BRD1: variants seen among roughly 807,000 people sequenced by gnomAD.
BRD1 encodes bromodomain-containing protein 1.
BRD1 carries 24 observed loss-of-function variants against 107.7 expected under a neutral mutation model. The observed-to-expected ratio is 0.22, with a 90% CI of 0.16 to 0.31. BRD1 has a LOEUF of 0.31. Among genes scored for constraint, BRD1 ranks in the 10% least tolerant of loss-of-function variants. The probability of loss-of-function intolerance (pLI) is 1.00; values close to 1 mark genes in which losing one functional copy is unlikely to be tolerated. For missense variants in BRD1, 1,279 were observed against 1,638.6 expected (o/e 0.78, Z 3.79); for synonymous variants, 744 against 686.1 (o/e 1.08, Z -1.32).
At chr22:49,775,032 G>A (rs2059054141) in intron 12 of BRD1, among the ~76,000 whole-genome samples, 1 of 152,230 alleles carries the variant, frequency 6.6e-6, no homozygotes, top group Non-Finnish European at 1.5e-5. Flanking sequence ...GCTCCTCCCA[G>A]AGGCATGTGC....
Position 49,827,535 on chromosome 22 carries a change from C to T in BRD1, c.-53G>A, listed in dbSNP as rs1359133132. 2 of 144,830 alleles carry T rather than the reference C, an allele frequency of 1.4e-5. No individual in the cohort carries two copies. Among genetic ancestry groups the T allele is most frequent in the African/African-American group, 5.0e-5 (2 of 40,366 alleles). 9.0% of individuals were successfully genotyped at this position (144,830 alleles called of 1,614,324 possible). On this transcript the variant is annotated 5_prime_UTR_variant, in exon 1 of 13. Coordinates refer to ENST00000404760, the MANE Select transcript of BRD1 (RefSeq NM_001304808.3). ...CGGCCGCGGGAGCCCGGCAAGCGGG[C>T]GGGCGCGGGGGCCGGCGCGGCCGAG...
At chr22:49,802,183 CCGAGACCAA>C in intron 3 of BRD1, among the ~76,000 whole-genome samples, 1 of 146,874 alleles carries the variant, frequency 6.8e-6, no homozygotes, top group African/African-American at 2.6e-5. Flanking sequence ...ATCGCGGGGG[CCGAGACCAA>C]TGCCTCCACT....
chr22:49,808,478 C>G (rs2059786511), intron 2 of BRD1, among the ~76,000 whole-genome samples: 1 of 152,140 alleles, frequency 6.6e-6, no homozygotes, highest in Non-Finnish European at 1.5e-5. Context: ...GAGTCAAATT[C>G]ATGGAGACAG....
At chr22:49,789,190 G>A (rs748040630) in intron 7 of BRD1, among the ~76,000 whole-genome samples, 2 of 152,206 alleles carry the variant, frequency 1.3e-5, no homozygotes, top group Non-Finnish European at 2.9e-5. Flanking sequence ...GCTGTCATGT[G>A]GGAATGCTGG....
rs1207444613 is a variant in BRD1 at position 49,794,040 on chromosome 22, C to T, written c.2353G>A (p.Glu785Lys). Reference protein sequence around the residue: ...DGAALGPEAGEEGDKSPPKLE... With the variant: ...DGAALGPEAGKEGDKSPPKLE... Reference sequence around the variant, plus strand: ...AGCCCTCACCGTGGCTTACCTTCCTCGCCCGCCTCCGGCCCCAGCGCAGCT... The same window carrying T: ...AGCCCTCACCGTGGCTTACCTTCCTTGCCCGCCTCCGGCCCCAGCGCAGCT... The change falls in exon 7 of 13, where the codon GAG (glutamate) becomes AAG (lysine). Residue 785 changes from glutamate (E) to lysine (K), a missense_variant. Physicochemically the swap from Glu to Lys is moderately conservative, Grantham distance 56. Transcript: ENST00000404760. The T allele has an allele frequency of 1.9e-6, 3 of 1,611,158 alleles. No homozygotes were observed. The highest frequency in any genetic ancestry group is 1.1e-5 in the South Asian group (1 of 90,954).
At chr22:49,775,066 G>C (rs896865239) in intron 12 of BRD1, among the ~76,000 whole-genome samples, 1 of 152,218 alleles carries the variant, frequency 6.6e-6, no homozygotes, top group Non-Finnish European at 1.5e-5. Flanking sequence ...TGCACAGAGG[G>C]ATCTTGGGGT....
intron 10 of BRD1, among the ~76,000 whole-genome samples, chr22:49,776,659 C>T (rs1421737710): frequency 3.3e-5 from 5 of 152,206 alleles, no homozygotes; most frequent in Non-Finnish European, 2.9e-5. Flanking sequence ...CCTGGGGCCT[C>T]CCCCTCCCCC....
intron 12 of BRD1, 65 bp downstream of exon 12, chr22:49,775,526 G>A (rs939545272): frequency 1.5e-6 from 2 of 1,301,290 alleles, no homozygotes; most frequent in Non-Finnish European, 2.0e-6. Flanking sequence ...GGACACTCAG[G>A]TCACCGAGCC....
chr22:49,826,646 G>C (rs112615549), intron 1 of BRD1, among the ~76,000 whole-genome samples: 13 of 152,350 alleles, frequency 8.5e-5, no homozygotes, highest in African/African-American at 2.9e-4. Context: ...CAGGGGCCGC[G>C]GCCGCTGAGC....
chr22:49,823,801 G>A lies in BRD1; in HGVS notation c.517C>T (p.Arg173Cys), dbSNP rs2060112800. The change falls in exon 2 of 13, where the codon CGC becomes TGC. Residue 173 changes from arginine to cysteine, a missense_variant. Transcript: ENST00000404760. ...YAWLEIVNEK[R>C]KGDCVPAVSQ... is the part of the protein sequence containing the mutation. ...ACGGCGGGGACGCAGTCGCCCTTGC[G>A]CTTCTCATTGACGATCTCCAGCCAG... The A allele has an allele frequency of 6.2e-7, 1 of 1,614,130 alleles. No homozygotes were observed. Among genetic ancestry groups the A allele is most frequent in the Non-Finnish European group, 8.5e-7 (1 of 1,180,048 alleles).
In BRD1 at chr22:49,792,514, C is replaced by A. The variant is rs55949613; in HGVS notation, c.2359+1520G>T. Among the ~76,000 whole-genome samples, 393 of 152,342 alleles carry A rather than the reference C, an allele frequency of 2.6e-3. 1 individual carries two copies. The highest frequency in any genetic ancestry group is 5.6e-3 in the Admixed American group (86 of 15,312). On this transcript the variant is annotated intron_variant, in intron 7 of 12. Transcript: ENST00000404760. This position sits in a 1 kb window ranked among gnomAD's most constrained non-coding sequence, Gnocchi z 4.2. ...AGGCAAACGTTCCTCAGAAAAAACA[C>A]GAGGCCCCCAAAGCAGAGGAGGGAT...
rs891317225 is a variant in BRD1, at chr22:49,827,708, GCGGGCT to G, written c.-232_-227del. On this transcript the variant is annotated 5_prime_UTR_variant, in exon 1 of 13. Transcript: ENST00000404760. ...ACTCTCGGGCAGCGGCTCGCGCGGCGCGGGCTCGGGCTCGGGGCCCAGCTGGAGGCC... is the reference window on the plus strand; with the variant it reads ...ACTCTCGGGCAGCGGCTCGCGCGGCGCGGGCTCGGGGCCCAGCTGGAGGCC... Among the ~76,000 whole-genome samples the G allele has an allele frequency of 9.0e-5, 13 of 144,858 alleles. No homozygotes were observed. The highest frequency in any genetic ancestry group is 1.7e-4 in the Non-Finnish European group (11 of 65,324).
At chr22:49,800,546 A>C (rs2059621339) in intron 3 of BRD1, among the ~76,000 whole-genome samples, 2 of 152,172 alleles carry the variant, frequency 1.3e-5, no homozygotes, top group African/African-American at 4.8e-5. Flanking sequence ...ATCTGTTACG[A>C]AGCGGAAGAA....
At chr22:49,775,070 T>C (rs2146895032) in intron 12 of BRD1, among the ~76,000 whole-genome samples, 1 of 152,308 alleles carries the variant, frequency 6.6e-6, no homozygotes, top group Middle Eastern at 3.4e-3. Context: ...CAGAGGGATC[T>C]TGGGGTCTAA....
chr22:49,774,175 T>C lies in BRD1; in HGVS notation c.*58A>G. The C allele has an allele frequency of 7.2e-6, 11 of 1,520,038 alleles. No individual in the cohort carries two copies. Among genetic ancestry groups the C allele is most frequent in the Non-Finnish European group, 9.7e-6 (11 of 1,129,926 alleles). The allele number at this position is 1,520,038 out of a possible 1,614,324, so 94.2% of individuals were successfully genotyped here. A position where few individuals can be genotyped will look rare whatever the true frequency, so the allele number is the denominator to read the frequency against. On this transcript the variant is annotated 3_prime_UTR_variant, in exon 13 of 13. Coordinates refer to ENST00000404760, the MANE Select transcript of BRD1 (RefSeq NM_001304808.3). The stretch of plus-strand genomic sequence containing the variant: ...AGAATAAGTTAAGTTTTGAACAATA[T>C]ACAAACATGTACAGCTTATCAACAC...
In BRD1 at chr22:49,797,990, C is replaced by G; in HGVS notation, c.1913G>C (p.Cys638Ser). Residue 638 changes from cysteine (C) to serine (S), a missense_variant, in exon 6 of 13, where the codon TGC (cysteine) becomes TCC (serine). Around this residue, in one of 7 missense-constraint regions of BRD1, gnomAD observed 406 missense variants for 519.4 expected, o/e 0.78. Transcript: ENST00000404760. The part of the protein sequence containing the change: ...EEDFDLIIDN[C>S]MKYNARDTVF... The stretch of plus-strand genomic sequence containing the variant: ...GGTGTCCCTGGCATTGTACTTCATG[C>G]AGTTATCTATAATGAGATCAAAATC... 2.5e-6 allele frequency: 4 copies of G among 1,614,220 alleles called. No homozygotes were observed. The highest frequency in any genetic ancestry group is 3.4e-6 in the Non-Finnish European group (4 of 1,180,048).
chr22:49,777,754 T>C lies in BRD1; in HGVS notation c.2917A>G (p.Arg973Gly). ...SEQEPGGGLGRKATPRRRCAS... is the reference protein window; with the variant it reads ...SEQEPGGGLGGKATPRRRCAS... ...CAGCGTCGTCGGGGTGTGGCCTTCCTCCCCAGGCCGCCGCCCGGCTCCTGC... is the reference window on the plus strand; with the variant it reads ...CAGCGTCGTCGGGGTGTGGCCTTCCCCCCCAGGCCGCCGCCCGGCTCCTGC... The change falls in exon 9 of 13, where the codon AGG becomes GGG. Residue 973 changes from arginine (R) to glycine (G), a missense_variant. This residue lies in a region of BRD1 where 263 missense variants were observed against 251.6 expected (regional missense o/e 1.05). Transcript: ENST00000404760. 6.2e-7 allele frequency: 1 copy of C among 1,606,108 alleles called. No homozygotes were observed. Among genetic ancestry groups the C allele is most frequent in the Non-Finnish European group, 8.5e-7 (1 of 1,177,866 alleles).
intron 1 of BRD1, chr22:49,826,302 T>C: frequency 1.0e-6 from 1 of 976,276 alleles, no homozygotes; most frequent in South Asian, 4.7e-5. Context: ...AACCGAAGGC[T>C]TCACGGCCAC....
intron 1 of BRD1, chr22:49,825,799 C>T (rs117613664): frequency 0.024 from 3,646 of 152,424 alleles, 66 homozygotes; most frequent in Non-Finnish European, 0.038. Flanking sequence ...GAAAGGAAAT[C>T]CCAGCAGACT....
Sources: gnomAD v4.1 joint callset for allele counts (sites outside exome capture counted in the v4.1 genomes callset) on GRCh38, gnomAD v4.1.1 for gene constraint, gnomAD v4.1.1 regional missense constraint, Gnocchi (gnomAD v3.1) non-coding constraint, MANE v1.5 for transcripts, NCBI Gene and HGNC (gene_info 2026-07-23, HGNC 2026-07-21) for gene names.